ARFGEF3: variants seen among roughly 807,000 people sequenced by gnomAD.
The protein encoded by ARFGEF3 is ARFGEF family member 3.
In ARFGEF3, 96 loss-of-function variants were observed where a neutral mutation model predicts 221.7. That is an observed-to-expected ratio of 0.43 (90% CI 0.37 to 0.51). The LOEUF (loss-of-function observed/expected upper bound fraction) is 0.51, where lower values mean the gene tolerates loss of function less well. Among genes scored for constraint, ARFGEF3 ranks in the 20% least tolerant of loss-of-function variants. The pLI is 0.00. For synonymous variants in ARFGEF3, 1,145 were observed against 1,126.8 expected (o/e 1.02, Z -0.32); for missense variants, 2,410 against 2,789.9 (o/e 0.86, Z 3.07).
rs1412181938 is a variant in ARFGEF3 at position 138,340,853 on chromosome 6, A to G, written c.*4367A>G. ...AAGTTTCAAGGAACGAGGCCATGAA[A>G]ATGAGACTATTTGACATCTCAGATC... On this transcript the variant is annotated 3_prime_UTR_variant, in exon 34 of 34. Transcript: ENST00000251691. 6.6e-6 allele frequency: 1 copy of G among 152,218 alleles called. No individual in the cohort carries two copies. The highest frequency in any genetic ancestry group is 1.5e-5 in the Non-Finnish European group (1 of 68,042). The allele number at this position is 152,218 out of a possible 1,614,324, so 9.4% of individuals were successfully genotyped here.
intron 8 of ARFGEF3, among the ~76,000 whole-genome samples, chr6:138,246,238 G>T (rs1778485435): frequency 6.6e-6 from 1 of 151,718 alleles, no homozygotes; most frequent in South Asian, 2.1e-4. Context: ...TTCAACATGG[G>T]GCGAAAAGTC....
At chr6:138,269,414 T>A (rs924795590) in intron 12 of ARFGEF3, among the ~76,000 whole-genome samples, 2 of 152,262 alleles carry the variant, frequency 1.3e-5, no homozygotes, top group African/African-American at 4.8e-5. Flanking sequence ...TATCTTTATA[T>A]AATACAGAAG....
At chr6:138,177,083 T>G (rs1289950692) in intron 2 of ARFGEF3, among the ~76,000 whole-genome samples, 1 of 139,354 alleles carries the variant, frequency 7.2e-6, no homozygotes, top group African/African-American at 3.0e-5. Context: ...ATTTATTTAT[T>G]TATTTATTTA....
intron 25 of ARFGEF3, among the ~76,000 whole-genome samples, chr6:138,311,887 A>G (rs1397113287): frequency 6.6e-6 from 1 of 152,140 alleles, no homozygotes; most frequent in African/African-American, 2.4e-5. Flanking sequence ...GGACATTAAT[A>G]AAAGAAAGAC....
intron 2 of ARFGEF3, among the ~76,000 whole-genome samples, chr6:138,205,230 G>T (rs964982881): frequency 6.6e-6 from 1 of 152,118 alleles, no homozygotes; most frequent in Non-Finnish European, 1.5e-5. Context: ...GTAAATATTT[G>T]TACATTTTTA....
intron 32 of ARFGEF3, among the ~76,000 whole-genome samples, chr6:138,330,145 G>A (rs538963071): frequency 6.6e-6 from 1 of 152,268 alleles, no homozygotes; most frequent in South Asian, 2.1e-4. Context: ...GTTAAGGCAG[G>A]AACCAGCCAT....
rs533996765 is a variant in ARFGEF3, at chr6:138,344,283, C to T, written c.*7797C>T. On this transcript the variant is annotated 3_prime_UTR_variant, in exon 34 of 34. Coordinates refer to ENST00000251691, the MANE Select transcript of ARFGEF3 (RefSeq NM_020340.5). ...CTATAAAATGCAAAATTCATCCTTG[C>T]AACCCCATTCACCAGGAGCCTTGAA... The T allele has an allele frequency of 6.6e-6, 1 of 152,160 alleles. No individual in the cohort carries two copies. Among genetic ancestry groups the T allele is most frequent in the African/African-American group, 2.4e-5 (1 of 41,450 alleles). The allele number at this position is 152,160 out of a possible 1,614,324, so 9.4% of individuals were successfully genotyped here. A position where few individuals can be genotyped will look rare whatever the true frequency, so the allele number is the denominator to read the frequency against.
rs111738208 is a variant in ARFGEF3 at position 138,291,349 on chromosome 6, A to G, written c.3048-384A>G. ...GTAGGGAAACGCTTCCCAACTCCTA[A>G]TCAGAGCACTATATGGAGGGAAAGA... is the stretch of plus-strand genomic sequence containing the variant. On this transcript the variant is annotated intron_variant, in intron 18 of 33. Transcript: ENST00000251691. This position sits in a 1 kb window ranked among gnomAD's most constrained non-coding sequence, Gnocchi z 4.5. 4.1e-3 allele frequency among the ~76,000 whole-genome samples: 617 copies of G among 152,254 alleles called. 2 individuals are homozygous for G. The highest frequency in any genetic ancestry group is 0.014 in the African/African-American group (598 of 41,546).
rs892603700 is a variant in ARFGEF3 at position 138,255,858 on chromosome 6, A to T, written c.1104+89A>T. The T allele has an allele frequency of 1.2e-5, 14 of 1,154,940 alleles. No homozygotes were observed. The African/African-American group carries it at 1.9e-4, about 15-fold the overall frequency. The allele number at this position is 1,154,940 out of a possible 1,614,324, so 71.5% of individuals were successfully genotyped here. The stretch of plus-strand genomic sequence containing the variant: ...AGAAGCGCTCAGAAAAGGCTTGCCA[A>T]TCACTTGCCGGAACTTCATTACTGC... On this transcript the variant is annotated intron_variant, in intron 10 of 33. Transcript: ENST00000251691.
In ARFGEF3 at chr6:138,255,700, C is replaced by G; in HGVS notation, c.1035C>G (p.Ser345=). ...SVDSMKPVLQ[S]LYHRVLLYPP... is the part of the protein sequence containing the mutation. ...ACTCCATGAAGCCCGTGCTCCAGTC[C>G]CTCTACCACCGAGTGCTGCTCTACC... is the stretch of plus-strand genomic sequence containing the variant. The change falls in exon 10 of 34, where the codon TCC becomes TCG. Residue 345 remains serine, a synonymous_variant. Coordinates refer to ENST00000251691, the MANE Select transcript of ARFGEF3 (RefSeq NM_020340.5). The G allele has an allele frequency of 6.2e-7, 1 of 1,612,226 alleles. No homozygotes were observed. The highest frequency in any genetic ancestry group is 8.5e-7 in the Non-Finnish European group (1 of 1,178,934).
rs536274994 is a variant in ARFGEF3 at position 138,277,346 on chromosome 6, A to G, written c.2129-1105A>G. Among the ~76,000 whole-genome samples, 8 of 152,290 alleles carry G rather than the reference A, an allele frequency of 5.3e-5. No homozygotes were observed. The South Asian group carries it at 1.2e-3, about 24-fold the overall frequency. ...GTAATACCCATTTTATATACATACC[A>G]CAATTTGCTTATCCATTCATCTGTT... is the stretch of plus-strand genomic sequence containing the variant. On this transcript the variant is annotated intron_variant, in intron 12 of 33. Transcript: ENST00000251691.
chr6:138,319,607 T>G, intron 27 of ARFGEF3, 96 bp from the exon 28 acceptor site: 1 of 819,642 alleles, frequency 1.2e-6, no homozygotes, highest in Non-Finnish European at 1.9e-6. Context: ...TCTCAGCAAA[T>G]GTAGGGATCC....
chr6:138,240,846 G>A (rs1017271567), intron 6 of ARFGEF3, among the ~76,000 whole-genome samples: 1 of 152,140 alleles, frequency 6.6e-6, no homozygotes, highest in Non-Finnish European at 1.5e-5. Flanking sequence ...TAGGAATGGA[G>A]GGGTTTGCTC....
intron 14 of ARFGEF3, 31 bp from the exon 15 acceptor site, chr6:138,285,915 T>A: frequency 7.2e-7 from 1 of 1,396,536 alleles, no homozygotes; most frequent in Non-Finnish European, 1.0e-6. Context: ...GTGTTTTATT[T>A]AGGGAAAACT....
chr6:138,340,771 A>ACT lies in ARFGEF3; in HGVS notation c.*4294_*4295dup, dbSNP rs1192702730. On this transcript the variant is annotated 3_prime_UTR_variant, in exon 34 of 34. Coordinates refer to ENST00000251691, the MANE Select transcript of ARFGEF3 (RefSeq NM_020340.5). ...AGGTGTTTCTGAATTCAAGGGCCAT[A>ACT]CTCTCTCTCTGACAACATGCTCTAA... The ACT allele has an allele frequency of 2.0e-5, 3 of 151,856 alleles. No homozygotes were observed. The highest frequency in any genetic ancestry group is 1.9e-4 in the East Asian group (1 of 5,176). The allele number at this position is 151,856 out of a possible 1,614,324, so 9.4% of individuals were successfully genotyped here. A position where few individuals can be genotyped will look rare whatever the true frequency, so the allele number is the denominator to read the frequency against.
chr6:138,254,049 C>A, intron 9 of ARFGEF3, 65 bp downstream of exon 9: 1 of 1,070,918 alleles, frequency 9.3e-7, no homozygotes, highest in Non-Finnish European at 1.3e-6. Context: ...GACTGTGTCT[C>A]TGGGTCCCTC....
chr6:138,188,844 C>G (rs891345812), intron 2 of ARFGEF3, among the ~76,000 whole-genome samples: 1 of 152,200 alleles, frequency 6.6e-6, no homozygotes, highest in Non-Finnish European at 1.5e-5. Context: ...ATGTTTAAAG[C>G]AGGCAGCTAG....
At chr6:138,244,302 T>C (rs1407103781) in intron 7 of ARFGEF3, among the ~76,000 whole-genome samples, 1 of 152,274 alleles carries the variant, frequency 6.6e-6, no homozygotes, top group Non-Finnish European at 1.5e-5. Flanking sequence ...TTTCTCTCCA[T>C]CTTCCTTGAC....
At chr6:138,187,646 A>G (rs993269179) in intron 2 of ARFGEF3, among the ~76,000 whole-genome samples, 3 of 152,088 alleles carry the variant, frequency 2.0e-5, no homozygotes, top group Non-Finnish European at 2.9e-5. Context: ...CTTGAGTCCA[A>G]ATGTTTCTCT....
Sources: allele counts gnomAD v4.1 joint callset (sites outside exome capture counted in the v4.1 genomes callset), GRCh38; gene constraint gnomAD v4.1.1; non-coding constraint Gnocchi (gnomAD v3.1); transcripts MANE v1.5; gene names NCBI Gene and HGNC (gene_info 2026-07-23, HGNC 2026-07-21).